Variants in ZNF582 observed in about 807,000 individuals in gnomAD.
ZNF582 encodes the protein zinc finger protein 582.
ZNF582 carries 14 observed loss-of-function variants against 12.3 expected under a neutral mutation model. That is an observed-to-expected ratio of 1.14 (90% CI 0.75 to 1.78). The LOEUF is 1.78. Among genes scored for constraint, ZNF582 ranks in the 40% most tolerant of loss-of-function variants. The probability of loss-of-function intolerance (pLI) is 0.00; values close to 1 mark genes in which losing one functional copy is unlikely to be tolerated. For missense variants in ZNF582, 567 were observed against 616.5 expected (o/e 0.92, Z 0.85); for synonymous variants, 210 against 207.2 (o/e 1.01, Z -0.11).
intron 4 of ZNF582, 91 bp downstream of exon 4, chr19:56,389,910 C>A: frequency 1.0e-6 from 1 of 1,002,864 alleles, no homozygotes; most frequent in Non-Finnish European, 1.5e-6. Context: ...AAGGTAGCAA[C>A]CTGCAGGGAA....
At position 56,393,392 on chromosome 19, in the gene ZNF582, C is replaced by T; in HGVS notation, c.-253G>A. The T allele has an allele frequency of 1.5e-6, 1 of 655,944 alleles. No individual in the cohort carries two copies. Among genetic ancestry groups the T allele is most frequent in the Non-Finnish European group, 2.5e-6 (1 of 403,838 alleles). The allele number at this position is 655,944 out of a possible 1,614,324, so 40.6% of individuals were successfully genotyped here. A position where few individuals can be genotyped will look rare whatever the true frequency, so the allele number is the denominator to read the frequency against. On this transcript the variant is annotated 5_prime_UTR_variant, in exon 1 of 5. It adds an upstream start codon to the 5' untranslated region. Coordinates refer to ENST00000586929, the Ensembl canonical transcript of ZNF582. ...GCCTGAGACCCAACCGGCCCGGGCA[C>T]CAGCTCCTGCTGGACCCCAGAGCGC...
At chr19:56,385,754 T>C (rs2041961287) in intron 4 of ZNF582, among the ~76,000 whole-genome samples, 1 of 151,786 alleles carries the variant, frequency 6.6e-6, no homozygotes, top group African/African-American at 2.4e-5. Context: ...TCTGTGAGAC[T>C]CTAGAAAAGA....
At chr19:56,391,862 C>T (rs2042016729) in intron 1 of ZNF582, 30 bp from the exon 2 acceptor site, 5 of 1,591,846 alleles carry the variant, frequency 3.1e-6, no homozygotes, top group Non-Finnish European at 4.3e-6. Context: ...ACATGAGAGG[C>T]TAGGCTTGCC....
chr19:56,385,222 T>C, intron 4 of ZNF582, 38 bp from the exon 5 acceptor site: 3 of 1,526,378 alleles, frequency 2.0e-6, no homozygotes, highest in Non-Finnish European at 2.6e-6. Context: ...TGGCTTCTTT[T>C]TTTTTCCAGA....
At chr19:56,391,601 G>A in intron 2 of ZNF582, 143 bp downstream of exon 2, 2 of 716,038 alleles carry the variant, frequency 2.8e-6, no homozygotes, top group East Asian at 2.5e-5. Flanking sequence ...TGTCAGAGGG[G>A]AGAGGACAAT....
exon 5 of ZNF582, chr19:56,383,332 G>A (rs181287430): frequency 4.6e-5 from 7 of 152,336 alleles, no homozygotes; most frequent in Non-Finnish European, 8.8e-5. Context: ...TTCTTTCACT[G>A]CCTGGATGTT....
At chr19:56,391,949 G>A (rs903415281) in intron 1 of ZNF582, 117 bp from the exon 2 acceptor site, 10 of 809,376 alleles carry the variant, frequency 1.2e-5, no homozygotes, top group African/African-American at 6.9e-5. Context: ...GAAGGAGGGG[G>A]AGGCAAAGGG....
chr19:56,384,260 T>C, exon 5 of ZNF582: 7 of 1,614,126 alleles, frequency 4.3e-6, no homozygotes, highest in Non-Finnish European at 5.9e-6. Flanking sequence ...GTGAATTCTC[T>C]GATGTTGCTT....
intron 4 of ZNF582, among the ~76,000 whole-genome samples, chr19:56,387,867 T>G (rs757221548): frequency 1.1e-4 from 16 of 152,270 alleles, no homozygotes; most frequent in Admixed American, 3.9e-4. Context: ...AGATTGACTT[T>G]TATGCTTCTC....
At chr19:56,391,263 C>T (rs1487887051) in intron 2 of ZNF582, among the ~76,000 whole-genome samples, 1 of 152,170 alleles carries the variant, frequency 6.6e-6, no homozygotes, top group Non-Finnish European at 1.5e-5. Context: ...GAGGATGTCC[C>T]AGATTCAAAT....
In ZNF582 at chr19:56,391,828, T is replaced by C. The variant is rs779188455; in HGVS notation, c.-76A>G. 1.2e-5 allele frequency: 19 copies of C among 1,613,698 alleles called. No homozygotes were observed. In the Admixed American group the frequency reaches 1.5e-4, roughly 13 times the overall value. ...GGGGAAGGGCAGAGTCCTGCGACGGTAGAGCTGGGGGAGGAAAGAGCAAAC... is the reference window on the plus strand; with the variant it reads ...GGGGAAGGGCAGAGTCCTGCGACGGCAGAGCTGGGGGAGGAAAGAGCAAAC... On this transcript the variant is annotated 5_prime_UTR_variant, in exon 2 of 5. Transcript: ENST00000586929.
At chr19:56,384,426 T>C (rs891985292) in exon 5 of ZNF582, 1 of 1,598,206 alleles carries the variant, frequency 6.3e-7, no homozygotes, top group African/African-American at 1.3e-5. Context: ...GTATGAACAG[T>C]CTGATGTTGA....
At chr19:56,392,455 T>A (rs866482663) in intron 1 of ZNF582, among the ~76,000 whole-genome samples, 1 of 152,222 alleles carries the variant, frequency 6.6e-6, no homozygotes, top group Non-Finnish European at 1.5e-5. Flanking sequence ...AATGTGTCCT[T>A]CCATAGAGAC....
Position 56,392,730 on chromosome 19 carries a change from T to C in ZNF582, c.-81+490A>G, listed in dbSNP as rs142392268. 9.4e-3 allele frequency among the ~76,000 whole-genome samples: 1,433 copies of C among 151,806 alleles called. 9 individuals carry two copies. Among genetic ancestry groups the C allele is most frequent in the African/African-American group, 0.012 (509 of 41,428 alleles). On this transcript the variant is annotated intron_variant, in intron 1 of 4. Transcript: ENST00000586929. Reference sequence around the variant, plus strand: ...CTAAAAACAAAACAAAACAAAAAAATTGGAAGAAAAAACACCCAAGTATTC... The same window carrying C: ...CTAAAAACAAAACAAAACAAAAAAACTGGAAGAAAAAACACCCAAGTATTC...
At chr19:56,393,117 T>C in intron 1 of ZNF582, 103 bp downstream of exon 1, 2 of 1,025,276 alleles carry the variant, frequency 2.0e-6, no homozygotes, top group Admixed American at 6.1e-5. Flanking sequence ...GAGAACCTCA[T>C]GAAACAAGAT....
intron 2 of ZNF582, among the ~76,000 whole-genome samples, chr19:56,390,847 C>T (rs913273751): frequency 2.0e-4 from 31 of 152,164 alleles, no homozygotes; most frequent in Non-Finnish European, 1.8e-4. Context: ...CCTATCACTT[C>T]TATCTTTTGG....
exon 5 of ZNF582, chr19:56,384,895 A>G: frequency 6.2e-7 from 1 of 1,613,744 alleles, no homozygotes; most frequent in Non-Finnish European, 8.5e-7. Context: ...TTCTACATTT[A>G]TTATACCCAA....
At chr19:56,391,682 G>A (rs374388297) in intron 2 of ZNF582, 62 bp downstream of exon 2, 99 of 1,505,254 alleles carry the variant, frequency 6.6e-5, no homozygotes, top group Non-Finnish European at 8.8e-5. Context: ...ATTTCTGGAT[G>A]GAACCCAGGT....
exon 1 of ZNF582, chr19:56,393,376 C>A: frequency 1.3e-6 from 1 of 789,372 alleles, no homozygotes; most frequent in Non-Finnish European, 1.9e-6. Context: ...GGCCTGAGAC[C>A]CAACCGGCCC....
Sources: allele counts gnomAD v4.1 joint callset (sites outside exome capture counted in the v4.1 genomes callset), GRCh38; gene constraint gnomAD v4.1.1; transcripts MANE v1.5; gene names NCBI Gene and HGNC (gene_info 2026-07-23, HGNC 2026-07-21).